F8: variants seen among roughly 807,000 people sequenced by gnomAD.
F8 encodes antihemophilic factor.
F8 carries 12 observed loss-of-function variants against 140.6 expected under a neutral mutation model. That is an observed-to-expected ratio of 0.09 (90% confidence interval 0.05 to 0.14). F8 has a LOEUF of 0.14. Among genes scored for constraint, F8 ranks in the 10% least tolerant of loss-of-function variants. The pLI is 1.00. For missense variants in F8, 1,354 were observed against 1,720.7 expected (o/e 0.79, Z 3.77); for synonymous variants, 585 against 614.6 (o/e 0.95, Z 0.71).
At chrX:154,955,317 AT>A (rs34537569) in intron 11 of F8, among the ~76,000 whole-genome samples, 1,182 of 66,865 alleles carry the variant, frequency 0.018, 4 homozygotes, top group African/African-American at 0.025. Context: ...TGCCCAGCTA[AT>A]TTTTTTTTTT....
chrX:154,906,627 A>G, intron 14 of F8, 54 bp from the exon 15 acceptor site: 1 of 1,100,460 alleles, frequency 9.1e-7, no homozygotes. Flanking sequence ...AGTGGGTAGA[A>G]ATGCCTCACA....
rs377280931 is a variant in F8, at chrX:154,929,342, G to A, written c.4448C>T (p.Thr1483Ile). ...GDQREVGSLG[T>I]SATNSVTYKK... The stretch of plus-strand genomic sequence containing the variant: ...GTATGTGACTGAATTTGTGGCACTT[G>A]TCCCCAGGGAGCCAACCTCTCTTTG... The change falls in exon 14 of 26, where the codon ACA becomes ATA. Residue 1483 changes from threonine to isoleucine, a missense_variant. Around this residue, in one of 4 missense-constraint regions of F8, gnomAD observed 658 missense variants for 666.5 expected, o/e 0.99. Transcript: ENST00000360256. 2.5e-6 allele frequency: 3 copies of A among 1,211,990 alleles called. No individual in the cohort carries two copies. Among genetic ancestry groups the A allele is most frequent in the South Asian group, 3.5e-5 (2 of 57,013 alleles).
chrX:154,866,586 G>A (rs1557273168), intron 22 of F8, among the ~76,000 whole-genome samples: 4 of 111,709 alleles, frequency 3.6e-5, no homozygotes, highest in East Asian at 5.6e-4. Context: ...AAGAAAACAC[G>A]AAAATTCACA....
chrX:154,920,539 C>T (rs1006671249), intron 14 of F8, among the ~76,000 whole-genome samples: 2 of 110,303 alleles, frequency 1.8e-5, no homozygotes, highest in Admixed American at 9.7e-5. Flanking sequence ...GTAGCCTTGA[C>T]CCCCCCAGGC....
chrX:154,948,760 A>G (rs1316820552), intron 12 of F8, among the ~76,000 whole-genome samples: 1 of 112,234 alleles, frequency 8.9e-6, no homozygotes, highest in Non-Finnish European at 1.9e-5. Context: ...CTCTGTTACT[A>G]GGTACTGTGT....
intron 22 of F8, among the ~76,000 whole-genome samples, chrX:154,888,408 C>CTTTTTTTTTTTTTT (rs1557274896): frequency 0.012 from 611 of 52,856 alleles, 3 homozygotes; most frequent in Non-Finnish European, 0.016. Flanking sequence ...TTTTTTTTTC[C>CTTTTTTTTTTTTTT]CCCCGAGATG....
chrX:154,970,461 G>A (rs782707157), intron 6 of F8, among the ~76,000 whole-genome samples: 20 of 111,341 alleles, frequency 1.8e-4, no homozygotes, highest in Non-Finnish European at 1.7e-4. Context: ...CCATTATCTC[G>A]TCTGAGCTAC....
At chrX:154,839,614 G>A (rs939977120) in intron 25 of F8, among the ~76,000 whole-genome samples, 1 of 110,681 alleles carries the variant, frequency 9.0e-6, no homozygotes, top group African/African-American at 3.3e-5. Context: ...CACCCGCCTC[G>A]GCCTCCCAAA....
intron 22 of F8, among the ~76,000 whole-genome samples, chrX:154,875,774 T>TGTGTGTGTGTGG: frequency 1.0e-5 from 1 of 95,659 alleles, no homozygotes; most frequent in Non-Finnish European, 2.1e-5. Flanking sequence ...TGTGTGTGTG[T>TGTGTGTGTGTGG]AGAGAGAGAG....
At chrX:154,853,448 T>C (rs782774141) in intron 25 of F8, among the ~76,000 whole-genome samples, 55 of 111,993 alleles carry the variant, frequency 4.9e-4, no homozygotes, top group Non-Finnish European at 9.0e-4. Flanking sequence ...TCTGAATTGA[T>C]TGTTTCTGTT....
intron 22 of F8, among the ~76,000 whole-genome samples, chrX:154,878,428 C>CAAA (rs57418004): frequency 4.5e-4 from 12 of 26,714 alleles, no homozygotes; most frequent in Non-Finnish European, 5.4e-4. Context: ...TTTTCATGAC[C>CAAA]AAAAAAAAAA....
chrX:154,947,098 A>T (rs2073309441), intron 13 of F8, among the ~76,000 whole-genome samples: 1 of 108,374 alleles, frequency 9.2e-6, no homozygotes, highest in Non-Finnish European at 1.9e-5. Context: ...GGTGGCGGGC[A>T]CCTGTAGTCC....
rs112173003 is a variant in F8, at chrX:154,876,274, C to T, written c.6430-13047G>A. Among the ~76,000 whole-genome samples, 936 of 109,491 alleles carry T rather than the reference C, an allele frequency of 8.5e-3. 21 individuals carry two copies. Among genetic ancestry groups the T allele is most frequent in the African/African-American group, 0.03 (885 of 29,676 alleles). ...AGCTGGGACTACAGGCGCCCACCAC[C>T]ACACCCAGCTAATGTTTTGTATTTT... On this transcript the variant is annotated intron_variant, in intron 22 of 25. Coordinates refer to ENST00000360256, the MANE Select transcript of F8 (RefSeq NM_000132.4).
At chrX:154,974,359 T>C (rs902033133) in intron 6 of F8, among the ~76,000 whole-genome samples, 18 of 112,330 alleles carry the variant, frequency 1.6e-4, no homozygotes, top group African/African-American at 5.8e-4. Context: ...GGATATTGAA[T>C]TTTGTCAAAT....
chrX:154,971,257 T>TC (rs2073455002), intron 6 of F8, among the ~76,000 whole-genome samples: 1 of 112,056 alleles, frequency 8.9e-6, no homozygotes, highest in Non-Finnish European at 1.9e-5. Context: ...CCAGTCTAAT[T>TC]CCCATTCTTT....
intron 4 of F8, among the ~76,000 whole-genome samples, chrX:154,989,906 G>C (rs1293415843): frequency 1.8e-5 from 2 of 112,082 alleles, no homozygotes; most frequent in Non-Finnish European, 3.8e-5. Flanking sequence ...ACCTGTTTCA[G>C]CACTGTTTAT....
intron 3 of F8, among the ~76,000 whole-genome samples, chrX:154,996,570 G>A (rs1343558364): frequency 8.9e-6 from 1 of 111,948 alleles, no homozygotes; most frequent in South Asian, 3.7e-4. Context: ...TGGGATACCC[G>A]TGTCAACTGC....
Position 155,005,799 on chromosome X carries a change from C to T in F8, c.144-6199G>A, listed in dbSNP as rs1259111373. ...GCTGAAGTCAGTCACCACATCCAAA[C>T]TCATGCCTTATTCCTGGTAAAGGTG... On this transcript the variant is annotated intron_variant, in intron 1 of 25. Coordinates refer to ENST00000360256, the MANE Select transcript of F8 (RefSeq NM_000132.4). Among the ~76,000 whole-genome samples the T allele has an allele frequency of 5.4e-5, 6 of 112,045 alleles. No individual in the cohort carries two copies. The Admixed American group carries it at 5.7e-4, about 11-fold the overall frequency.
In F8 at chrX:154,948,597, T is replaced by C. The variant is rs782236059; in HGVS notation, c.1904-690A>G. Among the ~76,000 whole-genome samples the C allele has an allele frequency of 5.3e-5, 6 of 112,344 alleles. No individual in the cohort carries two copies. The South Asian group carries it at 2.2e-3, about 41-fold the overall frequency. ...GGGTAAAGGGTGTGTGCAAGTTCCA[T>C]GTATTATTCTTGTAACTTTTCTGTA... On this transcript the variant is annotated intron_variant, in intron 12 of 25. Transcript: ENST00000360256.
Sources: allele counts gnomAD v4.1 joint callset (sites outside exome capture counted in the v4.1 genomes callset), GRCh38; gene constraint gnomAD v4.1.1; regional missense constraint gnomAD v4.1.1; transcripts MANE v1.5; gene names NCBI Gene and HGNC (gene_info 2026-07-23, HGNC 2026-07-21).